KLHL1: variants seen among roughly 807,000 people sequenced by gnomAD.
The protein encoded by KLHL1 is kelch like family member 1, also known as kelch-like protein 1.
KLHL1 carries 47 observed loss-of-function variants against 77.7 expected under a neutral mutation model. The ratio of observed to expected loss-of-function variants is 0.60; its 90% confidence interval spans 0.48 to 0.77. The LOEUF (loss-of-function observed/expected upper bound fraction) is 0.77. KLHL1 is among the 30% of genes least tolerant of loss of function. The pLI, the probability that KLHL1 is intolerant of heterozygous loss-of-function variation, is 0.00. For missense variants in KLHL1, 925 were observed against 910.8 expected (o/e 1.02, Z -0.20); for synonymous variants, 360 against 325.2 (o/e 1.11, Z -1.15).
At chr13:70,054,442 T>C (rs1389815931) in intron 1 of KLHL1, among the ~76,000 whole-genome samples, 1 of 152,066 alleles carries the variant, frequency 6.6e-6, no homozygotes, top group East Asian at 1.9e-4. Flanking sequence ...TATTGCATTA[T>C]AGTAGCCCAA....
intron 3 of KLHL1, among the ~76,000 whole-genome samples, chr13:69,955,952 A>ATG (rs1196623055): frequency 2.3e-5 from 3 of 130,106 alleles, no homozygotes; most frequent in Non-Finnish European, 4.7e-5. Flanking sequence ...ATTTATATAT[A>ATG]TATTTGATAT....
chr13:69,927,619 A>T (rs990554368), intron 4 of KLHL1, among the ~76,000 whole-genome samples: 1 of 152,222 alleles, frequency 6.6e-6, no homozygotes, highest in Non-Finnish European at 1.5e-5. Context: ...TTCTCCAAAG[A>T]GGATATATAA....
intron 4 of KLHL1, among the ~76,000 whole-genome samples, chr13:69,930,209 T>C (rs1356014453): frequency 2.0e-5 from 3 of 151,848 alleles, no homozygotes; most frequent in Non-Finnish European, 4.4e-5. Context: ...ATTAAGGTAA[T>C]AATCCTCAGA....
intron 4 of KLHL1, among the ~76,000 whole-genome samples, chr13:69,914,498 A>G (rs184169237): frequency 2.6e-5 from 4 of 152,330 alleles, no homozygotes; most frequent in African/African-American, 9.6e-5. Context: ...AACAAAATAC[A>G]ACAAGCTTAG....
chr13:69,959,949 C>T (rs929449824), intron 3 of KLHL1, among the ~76,000 whole-genome samples: 1 of 151,912 alleles, frequency 6.6e-6, no homozygotes, highest in Non-Finnish European at 1.5e-5. Flanking sequence ...GGTCTCTCTC[C>T]TAATACAATA....
At chr13:69,846,064 A>G (rs1233168667) in intron 5 of KLHL1, among the ~76,000 whole-genome samples, 1 of 151,504 alleles carries the variant, frequency 6.6e-6, no homozygotes, top group East Asian at 1.9e-4. Context: ...ATAATAATAT[A>G]CTTCTATCAT....
At chr13:69,816,255 A>T (rs1253412504) in intron 6 of KLHL1, among the ~76,000 whole-genome samples, 2 of 149,076 alleles carry the variant, frequency 1.3e-5, no homozygotes, top group Non-Finnish European at 3.0e-5. Context: ...AGAATGGAAA[A>T]TTTTTTTTCT....
intron 1 of KLHL1, among the ~76,000 whole-genome samples, chr13:69,990,275 T>A (rs1015253723): frequency 6.6e-6 from 1 of 151,958 alleles, no homozygotes; most frequent in Admixed American, 6.6e-5. Flanking sequence ...GTCTGCATAA[T>A]AACCAGCTAA....
Position 70,081,249 on chromosome 13 carries a change from T to C in KLHL1, c.497+25954A>G, listed in dbSNP as rs139994178. On this transcript the variant is annotated intron_variant, in intron 1 of 10. Coordinates refer to ENST00000377844, the MANE Select transcript of KLHL1 (RefSeq NM_020866.3). ...GGCTCATTAACTTTCTACTGTTGTA[T>C]AGTGCCTTACTACAAATTTAACAAC... Among the ~76,000 whole-genome samples the C allele has an allele frequency of 2.1e-4, 32 of 152,304 alleles. No individual in the cohort carries two copies. The East Asian group carries it at 4.6e-3, about 22-fold the overall frequency.
chr13:70,055,907 A>G (rs1258534613), intron 1 of KLHL1, among the ~76,000 whole-genome samples: 1 of 152,074 alleles, frequency 6.6e-6, no homozygotes, highest in African/African-American at 2.4e-5. Context: ...GAAAGGGGGA[A>G]AAAAGACCAC....
At chr13:69,714,893 C>T (rs543905637) in intron 9 of KLHL1, among the ~76,000 whole-genome samples, 71 of 152,066 alleles carry the variant, frequency 4.7e-4, no homozygotes, top group Non-Finnish European at 8.7e-4. Flanking sequence ...TGCACCCGGC[C>T]GATATCCTTC....
chr13:69,907,900 G>T (rs1882094740), intron 4 of KLHL1, among the ~76,000 whole-genome samples: 1 of 152,044 alleles, frequency 6.6e-6, no homozygotes. Flanking sequence ...ATACATGGAA[G>T]TTACTTGGAT....
At chr13:69,894,941 G>T in intron 4 of KLHL1, 1 of 458,394 alleles carries the variant, frequency 2.2e-6, no homozygotes, top group Non-Finnish European at 4.3e-6. Flanking sequence ...GGTTCCAGCA[G>T]ATCCTTGTCT....
intron 7 of KLHL1, among the ~76,000 whole-genome samples, chr13:69,795,020 T>C (rs1325119526): frequency 6.6e-6 from 1 of 152,220 alleles, no homozygotes; most frequent in Non-Finnish European, 1.5e-5. Flanking sequence ...ATGTTTATTG[T>C]ATTTGAGTAC....
chr13:70,102,645 G>A (rs1887952489), intron 1 of KLHL1, among the ~76,000 whole-genome samples: 1 of 152,140 alleles, frequency 6.6e-6, no homozygotes, highest in Admixed American at 6.5e-5. Flanking sequence ...ACGGGTTAAA[G>A]TCCAGCCTTA....
At chr13:69,842,636 C>CA (rs1566314817) in intron 5 of KLHL1, among the ~76,000 whole-genome samples, 1 of 151,638 alleles carries the variant, frequency 6.6e-6, no homozygotes, top group South Asian at 2.1e-4. Context: ...GGAGATTTCT[C>CA]AAAAAACTAA....
intron 5 of KLHL1, among the ~76,000 whole-genome samples, chr13:69,874,180 G>C (rs1384456463): frequency 6.6e-6 from 1 of 151,994 alleles, no homozygotes; most frequent in Non-Finnish European, 1.5e-5. Flanking sequence ...CCTCCCTTTA[G>C]TGTTTTCCCT....
At chr13:70,058,555 T>C (rs1378557816) in intron 1 of KLHL1, among the ~76,000 whole-genome samples, 2 of 152,140 alleles carry the variant, frequency 1.3e-5, no homozygotes, top group East Asian at 3.9e-4. Context: ...ATCAGACTAT[T>C]GATTAAAGAA....
intron 7 of KLHL1, among the ~76,000 whole-genome samples, chr13:69,784,173 T>C (rs1876384043): frequency 6.6e-6 from 1 of 151,812 alleles, no homozygotes; most frequent in African/African-American, 2.4e-5. Context: ...CTACAAGAGC[T>C]CCTGAAGGAA....
Sources: allele counts gnomAD v4.1 joint callset (sites outside exome capture counted in the v4.1 genomes callset), GRCh38; gene constraint gnomAD v4.1.1; transcripts MANE v1.5; gene names NCBI Gene and HGNC (gene_info 2026-07-23, HGNC 2026-07-21).